The following NICOL1 variants were observed in gnomAD, a reference collection of about 807,000 sequenced individuals.
NICOL1 encodes NELL2 interacting cell ontogeny regulator 1.
the NICOL1 span, among the ~76,000 whole-genome samples, chr4:2,039,234 T>G: frequency 6.7e-6 from 1 of 150,286 alleles, no homozygotes; most frequent in Non-Finnish European, 1.5e-5. Context: ...GCCAACATGG[T>G]GACACCCCAT....
chr4:2,042,297 C>A, the NICOL1 span: 1 of 749,250 alleles, frequency 1.3e-6, no homozygotes, highest in South Asian at 2.8e-5. Flanking sequence ...GCGGGCGGGG[C>A]GGGCGCCGCT....
the NICOL1 span, chr4:2,042,918 T>C: frequency 1.3e-6 from 1 of 792,396 alleles, no homozygotes; most frequent in Non-Finnish European, 1.9e-6. Context: ...GAGTGGAGTG[T>C]CCCTCATCCT....
chr4:2,040,173 C>T, the NICOL1 span, among the ~76,000 whole-genome samples: 5 of 152,226 alleles, frequency 3.3e-5, no homozygotes, highest in East Asian at 9.7e-4. Flanking sequence ...GTGGTGTGAT[C>T]TCAGCTCACT....
the NICOL1 span, among the ~76,000 whole-genome samples, chr4:2,040,983 T>G: frequency 6.7e-6 from 1 of 150,286 alleles, no homozygotes; most frequent in African/African-American, 2.5e-5. Flanking sequence ...GGGTTGGGGG[T>G]AGAGGTCGGC....
At chr4:2,037,969 T>C in the NICOL1 span, among the ~76,000 whole-genome samples, 1 of 151,508 alleles carries the variant, frequency 6.6e-6, no homozygotes, top group Non-Finnish European at 1.5e-5. Flanking sequence ...ACAAATACTA[T>C]TTTGCCCTTA....
chr4:2,042,266 A>C, the NICOL1 span: 2 of 916,848 alleles, frequency 2.2e-6, no homozygotes, highest in Non-Finnish European at 2.9e-6. Context: ...GCGGGAGGGG[A>C]CGGGGGCTCA....
chr4:2,042,397 C>T, the NICOL1 span: 3 of 509,208 alleles, frequency 5.9e-6, no homozygotes, highest in South Asian at 2.8e-5. Context: ...ACCGCCGCCG[C>T]CGCCGCTGCT....
the NICOL1 span, chr4:2,043,755 C>G: frequency 1.1e-6 from 1 of 870,934 alleles, no homozygotes; most frequent in African/African-American, 1.7e-5. Flanking sequence ...CTGACCTTGT[C>G]TGTCTCAGGA....
chr4:2,041,687 C>G, the NICOL1 span: 4 of 331,152 alleles, frequency 1.2e-5, no homozygotes, highest in South Asian at 1.1e-4. Flanking sequence ...TCGCGAGCAT[C>G]GAGCAGCTCC....
the NICOL1 span, among the ~76,000 whole-genome samples, chr4:2,040,943 T>G: frequency 6.6e-6 from 1 of 150,654 alleles, no homozygotes. Flanking sequence ...TCCCAGCTTG[T>G]GCCGGGAAGA....
At chr4:2,043,916 C>T in the NICOL1 span, 29 of 1,548,600 alleles carry the variant, frequency 1.9e-5, no homozygotes, top group African/African-American at 2.6e-4. Context: ...TGCTGGCCAG[C>T]GGGGCACTGA....
At chr4:2,040,257 C>T in the NICOL1 span, among the ~76,000 whole-genome samples, 2 of 152,202 alleles carry the variant, frequency 1.3e-5, no homozygotes, top group Non-Finnish European at 2.9e-5. Flanking sequence ...CAGGCGCGTG[C>T]CACCATACCC....
the NICOL1 span, chr4:2,042,463 G>C: frequency 2.4e-4 from 100 of 423,962 alleles, no homozygotes; most frequent in Admixed American, 2.3e-3. Flanking sequence ...CGAGCCCGCC[G>C]GGAGTGCCGT....
the NICOL1 span, among the ~76,000 whole-genome samples, chr4:2,040,701 C>A: frequency 6.6e-6 from 1 of 152,212 alleles, no homozygotes. Flanking sequence ...GGCCCGCAGC[C>A]CCCACCCGGC....
chr4:2,037,315 G>A, the NICOL1 span, among the ~76,000 whole-genome samples: 21 of 152,156 alleles, frequency 1.4e-4, no homozygotes, highest in African/African-American at 4.8e-5. Flanking sequence ...GGCCGGTCTC[G>A]AACTCCTGCC....
the NICOL1 span, among the ~76,000 whole-genome samples, chr4:2,036,632 C>T: frequency 3.3e-5 from 5 of 152,154 alleles, no homozygotes; most frequent in African/African-American, 7.2e-5. Flanking sequence ...GGGCGGCCCT[C>T]GAGGACAGCG....
the NICOL1 span, chr4:2,041,975 G>A: frequency 1.4e-6 from 2 of 1,454,136 alleles, no homozygotes; most frequent in Non-Finnish European, 9.0e-7. Flanking sequence ...GGGAACCCGG[G>A]CGGGGTCGGG....
the NICOL1 span, among the ~76,000 whole-genome samples, chr4:2,037,342 C>T: frequency 2.0e-5 from 3 of 152,222 alleles, no homozygotes; most frequent in African/African-American, 7.2e-5. Context: ...GATCAACCTG[C>T]CTCGGCCTCC....
the NICOL1 span, among the ~76,000 whole-genome samples, chr4:2,036,900 TC>T: frequency 6.6e-6 from 1 of 151,898 alleles, no homozygotes; most frequent in Non-Finnish European, 1.5e-5. Context: ...TCCGGTGTCC[TC>T]CACAGGGGAG....
Sources: allele counts gnomAD v4.1 joint callset (sites outside exome capture counted in the v4.1 genomes callset), GRCh38; gene constraint gnomAD v4.1.1; transcripts MANE v1.5; gene names NCBI Gene and HGNC (gene_info 2026-07-23, HGNC 2026-07-21).